The following GJB7 variants were observed in gnomAD, a reference collection of about 807,000 sequenced individuals.
GJB7 encodes gap junction beta-7 protein.
For missense variants in GJB7, 253 were observed against 256.8 expected, an observed-to-expected ratio of 0.99 and a Z score of 0.10; for synonymous variants, 87 against 95.2, an observed-to-expected ratio of 0.91 and a Z score of 0.50.
At chr6:87,316,023 A>G (rs544159219) in intron 2 of GJB7, among the ~76,000 whole-genome samples, 1 of 152,208 alleles carries the variant, frequency 6.6e-6, no homozygotes, top group Admixed American at 6.5e-5. Context: ...AGTCTTCAAG[A>G]CCCTATATTC....
At chr6:87,287,140 C>G (rs1036819668) in intron 2 of GJB7, among the ~76,000 whole-genome samples, 16 of 152,198 alleles carry the variant, frequency 1.1e-4, no homozygotes, top group Admixed American at 2.6e-4. Flanking sequence ...CAGTTGAGAG[C>G]CACTGCTTTA....
At chr6:87,325,139 T>C (rs1228854335) in intron 1 of GJB7, among the ~76,000 whole-genome samples, 1 of 152,230 alleles carries the variant, frequency 6.6e-6, no homozygotes, top group Admixed American at 6.5e-5. Context: ...TTTGCTGAAG[T>C]TGCTTATCAG....
intron 2 of GJB7, among the ~76,000 whole-genome samples, chr6:87,287,244 G>A (rs1482438675): frequency 1.3e-5 from 2 of 152,174 alleles, no homozygotes; most frequent in Non-Finnish European, 2.9e-5. Flanking sequence ...GCCTTTTCAG[G>A]TCCTGTTTCC....
chr6:87,288,859 G>T (rs1295376031), intron 2 of GJB7, among the ~76,000 whole-genome samples: 4 of 152,092 alleles, frequency 2.6e-5, no homozygotes, highest in Admixed American at 2.0e-4. Context: ...TTCATCTCCT[G>T]CCTGGAACAC....
intron 2 of GJB7, among the ~76,000 whole-genome samples, chr6:87,314,621 C>G (rs1444534697): frequency 6.6e-6 from 1 of 152,188 alleles, no homozygotes; most frequent in Non-Finnish European, 1.5e-5. Flanking sequence ...TTGACTTTAT[C>G]TCACTCCCAC....
intron 2 of GJB7, among the ~76,000 whole-genome samples, chr6:87,305,812 C>G (rs1355537476): frequency 6.6e-6 from 1 of 152,210 alleles, no homozygotes; most frequent in Non-Finnish European, 1.5e-5. Context: ...CAGCATGGTA[C>G]TGGTACCAAA....
At chr6:87,317,254 C>T (rs556431304) in intron 2 of GJB7, among the ~76,000 whole-genome samples, 1 of 151,330 alleles carries the variant, frequency 6.6e-6, no homozygotes, top group Non-Finnish European at 1.5e-5. Flanking sequence ...ACTCCAGATA[C>T]TCAGGAGGCT....
intron 1 of GJB7, among the ~76,000 whole-genome samples, chr6:87,327,309 T>G (rs28824331): frequency 0.62 from 93,200 of 149,606 alleles, 29,519 homozygotes; most frequent in African/African-American, 0.7. Context: ...ATCCTGTCAT[T>G]ATGTTAGCTC....
At chr6:87,320,601 T>C (rs1484597521) in intron 2 of GJB7, among the ~76,000 whole-genome samples, 1 of 152,166 alleles carries the variant, frequency 6.6e-6, no homozygotes. Context: ...TACAGCTTGA[T>C]TTTATACATT....
At chr6:87,307,676 A>T (rs1004009782) in intron 2 of GJB7, among the ~76,000 whole-genome samples, 2 of 152,246 alleles carry the variant, frequency 1.3e-5, no homozygotes, top group Non-Finnish European at 2.9e-5. Context: ...CCACAGTGAG[A>T]TACCATCTCA....
rs554256735 is a variant in GJB7 at position 87,307,027 on chromosome 6, G to T, written c.-28+15839C>A. 2.3e-3 allele frequency among the ~76,000 whole-genome samples: 344 copies of T among 152,220 alleles called. 1 individual carries two copies. Among genetic ancestry groups the T allele is most frequent in the Non-Finnish European group, 4.1e-3 (282 of 68,014 alleles). On this transcript the variant is annotated intron_variant, in intron 2 of 2. Coordinates refer to ENST00000525899, the MANE Select transcript of GJB7 (RefSeq NM_198568.3). Reference sequence around the variant, plus strand: ...CATCACACTCTGGGGTCTGTTGTAGGGTGGGGAGAGTGGGGAGGGATAGCT... The same window carrying T: ...CATCACACTCTGGGGTCTGTTGTAGTGTGGGGAGAGTGGGGAGGGATAGCT...
At chr6:87,303,845 C>G (rs1402768525) in intron 2 of GJB7, among the ~76,000 whole-genome samples, 1 of 152,200 alleles carries the variant, frequency 6.6e-6, no homozygotes, top group African/African-American at 2.4e-5. Flanking sequence ...ACAGCACAAT[C>G]AAACTAGAAC....
intron 2 of GJB7, among the ~76,000 whole-genome samples, chr6:87,312,255 T>C (rs1776520400): frequency 6.6e-6 from 1 of 150,610 alleles, no homozygotes; most frequent in Non-Finnish European, 1.5e-5. Context: ...GGCTCACACC[T>C]GTAATCCCAG....
At chr6:87,327,222 A>G (rs947104018) in intron 1 of GJB7, among the ~76,000 whole-genome samples, 4 of 147,050 alleles carry the variant, frequency 2.7e-5, no homozygotes, top group African/African-American at 1.0e-4. Flanking sequence ...TCTTTATCCA[A>G]TTTGCCAGTC....
intron 1 of GJB7, among the ~76,000 whole-genome samples, chr6:87,324,240 T>C (rs1383317590): frequency 6.6e-6 from 1 of 152,188 alleles, no homozygotes; most frequent in Non-Finnish European, 1.5e-5. Context: ...TTCACTCTGA[T>C]GGTAGTTTCT....
At chr6:87,323,219 T>C (rs1776714944) in intron 1 of GJB7, among the ~76,000 whole-genome samples, 176 bp from the exon 2 acceptor site, 1 of 152,238 alleles carries the variant, frequency 6.6e-6, no homozygotes, top group Admixed American at 6.5e-5. Flanking sequence ...TCCCCTTTTT[T>C]CAGAGACAGT....
chr6:87,307,439 A>T (rs922220258), intron 2 of GJB7, among the ~76,000 whole-genome samples: 1 of 152,198 alleles, frequency 6.6e-6, no homozygotes, highest in Non-Finnish European at 1.5e-5. Flanking sequence ...TGAACAGGCA[A>T]CCTACAGAAT....
chr6:87,306,839 G>A (rs1364787367), intron 2 of GJB7, among the ~76,000 whole-genome samples: 1 of 152,166 alleles, frequency 6.6e-6, no homozygotes, highest in African/African-American at 2.4e-5. Flanking sequence ...GGAATATTAT[G>A]CAGCCATAAA....
chr6:87,288,722 C>T (rs1039342551), intron 2 of GJB7, among the ~76,000 whole-genome samples: 4 of 152,232 alleles, frequency 2.6e-5, no homozygotes, highest in African/African-American at 9.6e-5. Flanking sequence ...AGTCATTCTT[C>T]ATCCTTCTCT....
Sources: allele counts gnomAD v4.1 joint callset (sites outside exome capture counted in the v4.1 genomes callset), GRCh38; gene constraint gnomAD v4.1.1; transcripts MANE v1.5; gene names NCBI Gene and HGNC (gene_info 2026-07-23, HGNC 2026-07-21).